Variants in GPHN observed in about 807,000 individuals in gnomAD.
GPHN encodes the protein gephyrin.
GPHN carries 17 observed loss-of-function variants against 95.5 expected under a neutral mutation model. The observed-to-expected ratio is 0.18, with a 90% CI of 0.12 to 0.27. GPHN has a LOEUF of 0.27. Ranked by LOEUF, GPHN falls within the 10% of genes least tolerant of loss-of-function variation. The pLI is 1.00. For missense variants in GPHN, 660 were observed against 978.1 expected (o/e 0.67, Z 4.34); for synonymous variants, 320 against 322.5 (o/e 0.99, Z 0.08).
At chr14:66,806,115 C>A (rs78189661) in intron 3 of GPHN, among the ~76,000 whole-genome samples, 4,686 of 152,248 alleles carry the variant, frequency 0.031, 118 homozygotes, top group Admixed American at 0.045. Flanking sequence ...TCTGTTCACT[C>A]GCAAGCTCAA....
At chr14:67,313,234 G>T in the GPHN span, among the ~76,000 whole-genome samples, 2 of 152,152 alleles carry the variant, frequency 1.3e-5, no homozygotes, top group African/African-American at 4.8e-5. Flanking sequence ...TTATTAAGGG[G>T]ACATGTTTCT....
At chr14:67,198,268 G>A in the GPHN span, 2 of 1,613,902 alleles carry the variant, frequency 1.2e-6, no homozygotes, top group South Asian at 1.1e-5. Flanking sequence ...TTGGATGGAG[G>A]AGAGTATGCC....
At chr14:67,703,751 T>C in the GPHN span, among the ~76,000 whole-genome samples, 1 of 152,058 alleles carries the variant, frequency 6.6e-6, no homozygotes, top group Non-Finnish European at 1.5e-5. Context: ...TCACAGCTCA[T>C]TGCAACCTCT....
chr14:67,204,701 A>C, the GPHN span: 5 of 1,613,864 alleles, frequency 3.1e-6, no homozygotes, highest in African/African-American at 6.7e-5. Flanking sequence ...TCCCTCTTGA[A>C]TCAGGAGAAA....
At chr14:67,427,113 G>A in the GPHN span, among the ~76,000 whole-genome samples, 1 of 151,970 alleles carries the variant, frequency 6.6e-6, no homozygotes, top group African/African-American at 2.4e-5. Flanking sequence ...AGTGTATTGT[G>A]TCACGCGGGG....
the GPHN span, among the ~76,000 whole-genome samples, chr14:67,463,497 G>A: frequency 6.6e-6 from 1 of 151,990 alleles, no homozygotes; most frequent in Non-Finnish European, 1.5e-5. Flanking sequence ...AAATTAACTG[G>A]GCGTGGCGGC....
chr14:66,774,708 G>A (rs771172666), intron 2 of GPHN, among the ~76,000 whole-genome samples: 3 of 152,026 alleles, frequency 2.0e-5, no homozygotes, highest in African/African-American at 7.2e-5. Flanking sequence ...ATTTCTATCT[G>A]ATTTTATATA....
At chr14:66,894,285 G>A (rs913823936) in intron 5 of GPHN, among the ~76,000 whole-genome samples, 1 of 152,154 alleles carries the variant, frequency 6.6e-6, no homozygotes, top group Non-Finnish European at 1.5e-5. Flanking sequence ...TTAATAAATG[G>A]TGCTGGGAAA....
chr14:66,604,417 G>A (rs902859028), intron 1 of GPHN, among the ~76,000 whole-genome samples: 3 of 151,990 alleles, frequency 2.0e-5, no homozygotes, highest in African/African-American at 7.2e-5. Context: ...TACGCATTCG[G>A]GTATGAATAG....
At chr14:67,011,468 G>A (rs1051046343) in intron 9 of GPHN, among the ~76,000 whole-genome samples, 1 of 150,568 alleles carries the variant, frequency 6.6e-6, no homozygotes, top group African/African-American at 2.4e-5. Context: ...AAGCTACTCA[G>A]GAGGCTGAGG....
At chr14:67,570,143 G>C in the GPHN span, 1 of 716,620 alleles carries the variant, frequency 1.4e-6, no homozygotes, top group Non-Finnish European at 2.3e-6. Flanking sequence ...GCTGAGCCCA[G>C]CACGTGTCAT....
At chr14:66,977,537 G>A (rs970006274) in intron 9 of GPHN, among the ~76,000 whole-genome samples, 1 of 151,978 alleles carries the variant, frequency 6.6e-6, no homozygotes, top group Admixed American at 6.6e-5. Flanking sequence ...TTTTATCACA[G>A]CATTATTTAT....
the GPHN span, among the ~76,000 whole-genome samples, chr14:67,346,257 T>G: frequency 7.9e-5 from 12 of 152,272 alleles, no homozygotes; most frequent in African/African-American, 2.7e-4. Flanking sequence ...TCTATATGAT[T>G]TAATTAAATA....
At chr14:67,099,169 G>A (rs922573749) in intron 12 of GPHN, among the ~76,000 whole-genome samples, 3 of 151,462 alleles carry the variant, frequency 2.0e-5, no homozygotes, top group African/African-American at 7.3e-5. Context: ...GAGTGCAATG[G>A]CACGATCTCA....
At chr14:66,861,976 G>C (rs2063041665) in intron 4 of GPHN, among the ~76,000 whole-genome samples, 1 of 151,860 alleles carries the variant, frequency 6.6e-6, no homozygotes, top group African/African-American at 2.4e-5. Context: ...TAGAGGAAAA[G>C]AAAGAATAAC....
At chr14:67,077,001 T>C (rs1334535810) in intron 11 of GPHN, among the ~76,000 whole-genome samples, 2 of 152,158 alleles carry the variant, frequency 1.3e-5, no homozygotes, top group Non-Finnish European at 2.9e-5. Context: ...TGGGATTATT[T>C]TGATAAGTGA....
chr14:67,734,457 T>C, the GPHN span: 1 of 155,252 alleles, frequency 6.4e-6, no homozygotes, highest in Admixed American at 6.3e-5. Flanking sequence ...TCTCATTGTC[T>C]TATTTATTTT....
At chr14:66,537,474 A>G (rs2059183742) in intron 1 of GPHN, among the ~76,000 whole-genome samples, 1 of 152,044 alleles carries the variant, frequency 6.6e-6, no homozygotes, top group Non-Finnish European at 1.5e-5. Flanking sequence ...ATGTTTTACC[A>G]CTTCCCAAAC....
the GPHN span, chr14:67,573,724 G>A: frequency 1.1e-6 from 1 of 927,370 alleles, no homozygotes; most frequent in Non-Finnish European, 1.8e-6. The surrounding 1 kb of genome is among the most constrained non-coding windows in gnomAD (Gnocchi z 4.8). Flanking sequence ...TGACGTGGAG[G>A]AAGATCTGAG....
Sources: allele counts gnomAD v4.1 joint callset (sites outside exome capture counted in the v4.1 genomes callset), GRCh38; gene constraint gnomAD v4.1.1; non-coding constraint Gnocchi (gnomAD v3.1); transcripts MANE v1.5; gene names NCBI Gene and HGNC (gene_info 2026-07-23, HGNC 2026-07-21).